The following ZNF487 variants were observed in gnomAD, a reference collection of about 807,000 sequenced individuals.
ZNF487 encodes zinc finger protein 487.
A neutral mutation model predicts 3.0 loss-of-function variants in ZNF487; 4 were observed. That is an observed-to-expected ratio of 1.35 (90% CI 0.66 to 3.08). The LOEUF is 3.08. ZNF487 is among the 30% of genes most tolerant of loss of function. The pLI, the probability that ZNF487 is intolerant of heterozygous loss-of-function variation, is 0.01. For missense variants in ZNF487, 146 were observed against 98.7 expected (o/e 1.48, Z -2.03); for synonymous variants, 55 against 34.6 (o/e 1.59, Z -2.06).
intron 1 of ZNF487, among the ~76,000 whole-genome samples, chr10:43,449,950 A>AT (rs1250881135): frequency 6.6e-6 from 1 of 152,104 alleles, no homozygotes; most frequent in Non-Finnish European, 1.5e-5. Flanking sequence ...AAGTGCTGTG[A>AT]TTACAGGTGT....
the ZNF487 span, among the ~76,000 whole-genome samples, chr10:43,502,312 C>T: frequency 6.6e-6 from 1 of 151,996 alleles, no homozygotes; most frequent in Non-Finnish European, 1.5e-5. Flanking sequence ...TATTCTCACT[C>T]ACAGGTGGGA....
At chr10:43,518,499 C>T in the ZNF487 span, among the ~76,000 whole-genome samples, 1 of 152,092 alleles carries the variant, frequency 6.6e-6, no homozygotes, top group Non-Finnish European at 1.5e-5. Context: ...TTTTTGATGA[C>T]CATCTTGCCA....
chr10:43,505,468 A>G, the ZNF487 span, among the ~76,000 whole-genome samples: 10 of 150,986 alleles, frequency 6.6e-5, no homozygotes, highest in Admixed American at 3.3e-4. Context: ...TATTTTTAGT[A>G]GAGACGGGGT....
At chr10:43,491,591 C>T in the ZNF487 span, among the ~76,000 whole-genome samples, 1 of 151,650 alleles carries the variant, frequency 6.6e-6, no homozygotes, top group Admixed American at 6.6e-5. Context: ...ACAACATGTC[C>T]GAGACCCCTC....
chr10:43,466,005 G>A (rs963863545), intron 1 of ZNF487, among the ~76,000 whole-genome samples: 6 of 152,200 alleles, frequency 3.9e-5, no homozygotes, highest in Non-Finnish European at 8.8e-5. Flanking sequence ...GGCCAACCCA[G>A]CGAAACCCCG....
At chr10:43,462,944 AT>A (rs917341755) in intron 1 of ZNF487, among the ~76,000 whole-genome samples, 1 of 148,196 alleles carries the variant, frequency 6.7e-6, no homozygotes, top group Non-Finnish European at 1.5e-5. Flanking sequence ...TAATTAAAAA[AT>A]TTTTTTTGGC....
At chr10:43,451,135 G>A (rs1226452831) in intron 1 of ZNF487, among the ~76,000 whole-genome samples, 2 of 151,716 alleles carry the variant, frequency 1.3e-5, no homozygotes, top group African/African-American at 2.4e-5. Flanking sequence ...TAGTAGAGAC[G>A]GGGTTTTTCC....
intron 1 of ZNF487, among the ~76,000 whole-genome samples, chr10:43,464,375 T>C (rs990963065): frequency 6.6e-6 from 1 of 151,726 alleles, no homozygotes; most frequent in Non-Finnish European, 1.5e-5. Flanking sequence ...TTTTATTTAT[T>C]ATTATTATTT....
At chr10:43,465,037 G>A (rs1423554494) in intron 1 of ZNF487, among the ~76,000 whole-genome samples, 4 of 110,690 alleles carry the variant, frequency 3.6e-5, no homozygotes, top group East Asian at 3.1e-4. Flanking sequence ...GCGGCTGGCC[G>A]GGCGGGGGGC....
intron 1 of ZNF487, among the ~76,000 whole-genome samples, chr10:43,439,454 G>A (rs1485921183): frequency 1.3e-5 from 2 of 152,048 alleles, no homozygotes; most frequent in Admixed American, 6.6e-5. Context: ...TGTAATCCCA[G>A]CACTTGGGGA....
At chr10:43,437,926 A>G (rs1334761803) in intron 1 of ZNF487, among the ~76,000 whole-genome samples, 1 of 151,970 alleles carries the variant, frequency 6.6e-6, no homozygotes, top group Non-Finnish European at 1.5e-5. Context: ...CCTGGGCTCA[A>G]GTGATTCTCC....
chr10:43,456,443 A>G (rs1002491329), intron 1 of ZNF487, among the ~76,000 whole-genome samples: 11 of 152,194 alleles, frequency 7.2e-5, no homozygotes, highest in Admixed American at 1.3e-4. Context: ...CTGACTCAAC[A>G]GGAGTTTTGC....
At chr10:43,512,291 T>C in the ZNF487 span, among the ~76,000 whole-genome samples, 1 of 152,180 alleles carries the variant, frequency 6.6e-6, no homozygotes, top group African/African-American at 2.4e-5. Context: ...GTGGAGACCA[T>C]GGGCATTTGA....
chr10:43,507,238 T>C, the ZNF487 span, among the ~76,000 whole-genome samples: 10 of 152,200 alleles, frequency 6.6e-5, no homozygotes, highest in Non-Finnish European at 1.3e-4. Context: ...CTGTGTCTAC[T>C]CTGTGAACCA....
the ZNF487 span, among the ~76,000 whole-genome samples, chr10:43,513,609 G>A: frequency 6.6e-6 from 1 of 152,136 alleles, no homozygotes; most frequent in Non-Finnish European, 1.5e-5. Context: ...CTAGGTAAAG[G>A]CAGCTCTAAT....
intron 1 of ZNF487, among the ~76,000 whole-genome samples, chr10:43,450,202 C>G (rs1455260230): frequency 6.6e-6 from 1 of 152,144 alleles, no homozygotes; most frequent in Non-Finnish European, 1.5e-5. Context: ...TGCCACCACA[C>G]CCGGCTAGGC....
intron 1 of ZNF487, among the ~76,000 whole-genome samples, chr10:43,472,820 T>G (rs753048442): frequency 1.3e-5 from 2 of 152,148 alleles, no homozygotes; most frequent in Non-Finnish European, 2.9e-5. Context: ...CAACTTATTC[T>G]GTTATAATTT....
the ZNF487 span, among the ~76,000 whole-genome samples, chr10:43,493,894 G>A: frequency 5.3e-5 from 8 of 151,234 alleles, no homozygotes; most frequent in South Asian, 6.3e-4. Context: ...GGCCAGGCGC[G>A]TTGGCTCATG....
chr10:43,449,843 C>G (rs1170123336), intron 1 of ZNF487, among the ~76,000 whole-genome samples: 1 of 151,924 alleles, frequency 6.6e-6, no homozygotes. Flanking sequence ...CCACTCCTGG[C>G]TAATTTTTGT....
Sources: gnomAD v4.1 joint callset for allele counts (sites outside exome capture counted in the v4.1 genomes callset) on GRCh38, gnomAD v4.1.1 for gene constraint, MANE v1.5 for transcripts, NCBI Gene and HGNC (gene_info 2026-07-23, HGNC 2026-07-21) for gene names.